Variants in SLC22A25 observed in about 807,000 individuals in gnomAD.
The protein encoded by SLC22A25 is solute carrier family 22 member 25, also known as MGI:2442751, MGI:2385316, MGI:3042283, MGI:3645714, MGI:3605624, MGI:2442750.
A neutral mutation model predicts 45.9 loss-of-function variants in SLC22A25; 44 were observed. The observed-to-expected ratio is 0.96, with a 90% CI of 0.75 to 1.23. SLC22A25 has a LOEUF of 1.23. Among genes scored for constraint, SLC22A25 ranks in the 50% most tolerant of loss-of-function variants. The pLI, the probability that SLC22A25 is intolerant of heterozygous loss-of-function variation, is 0.00. For synonymous variants in SLC22A25, 283 were observed against 238.6 expected (o/e 1.19, Z -1.72); for missense variants, 800 against 666.4 (o/e 1.20, Z -2.21).
chr11:63,228,368 A>G, intron 5 of SLC22A25, 93 bp downstream of exon 5: 1 of 985,542 alleles, frequency 1.0e-6, no homozygotes, highest in Non-Finnish European at 1.5e-6. Flanking sequence ...GAGCAACAGG[A>G]TAGTGTGATT....
chr11:63,194,884 G>A (rs1400206557), intron 7 of SLC22A25, among the ~76,000 whole-genome samples: 5 of 41,202 alleles, frequency 1.2e-4, no homozygotes, highest in Non-Finnish European at 2.4e-4. Context: ...CCAAGCAAAT[G>A]GAAAGCAAAA....
chr11:63,164,019 A>G lies in SLC22A25; in HGVS notation c.1449T>C (p.Ala483=), dbSNP rs753386028. The G allele has an allele frequency of 1.2e-6, 2 of 1,612,802 alleles. No homozygotes were observed. Among genetic ancestry groups the G allele is most frequent in the South Asian group, 2.2e-5 (2 of 90,784 alleles). Residue 483 remains alanine, a synonymous_variant, in exon 12 of 12, where the codon GCT becomes GCC. Transcript: ENST00000306494. ...ATATGCTTAGGATCATCATGAGGGA[A>G]GCCAGGGCTCCCCCAATATTAGCAA... ...GNFANIGGAL[A]SLMMILSIYS... is the part of the protein sequence containing the mutation.
intron 7 of SLC22A25, among the ~76,000 whole-genome samples, chr11:63,211,326 A>C (rs1422815439): frequency 1.3e-5 from 2 of 152,180 alleles, no homozygotes; most frequent in Non-Finnish European, 2.9e-5. Context: ...AGCAAGCCAA[A>C]AGGTGAATAC....
intron 7 of SLC22A25, among the ~76,000 whole-genome samples, chr11:63,186,676 A>G (rs1231095050): frequency 1.3e-5 from 2 of 152,284 alleles, no homozygotes; most frequent in South Asian, 4.1e-4. Flanking sequence ...TTATGCTTTT[A>G]GGTCTAACAT....
At chr11:63,236,659 C>T (rs2090169885) in intron 3 of SLC22A25, among the ~76,000 whole-genome samples, 1 of 152,028 alleles carries the variant, frequency 6.6e-6, no homozygotes. Context: ...CCTGCACCCA[C>T]TGTCCCGCAC....
rs1256520568 is a variant in SLC22A25 at position 63,232,213 on chromosome 11, A to T, written c.-444-2117T>A. On this transcript the variant is annotated intron_variant, in intron 3 of 11. Transcript: ENST00000306494. ...ATGGGGATGGCATTGAATCTATAAA[A>T]GACCTTGGGCAGTATGGCCATTTTC... 4.5e-4 allele frequency among the ~76,000 whole-genome samples: 68 copies of T among 152,228 alleles called. 3 individuals are homozygous for T. Among genetic ancestry groups the T allele is most frequent in the East Asian group, 2.3e-3 (12 of 5,178 alleles).
intron 9 of SLC22A25, among the ~76,000 whole-genome samples, chr11:63,177,112 T>A (rs2088116637): frequency 6.6e-6 from 1 of 152,120 alleles, no homozygotes; most frequent in African/African-American, 2.4e-5. Context: ...AACCAAAGTC[T>A]TATGGAGGTT....
intron 7 of SLC22A25, among the ~76,000 whole-genome samples, chr11:63,212,713 T>C (rs2089606167): frequency 6.6e-6 from 1 of 151,686 alleles, no homozygotes; most frequent in Non-Finnish European, 1.5e-5. Flanking sequence ...AATGATGAGT[T>C]AATGAGTGCA....
chr11:63,180,856 T>C (rs2088294938), intron 8 of SLC22A25, 81 bp from the exon 9 acceptor site: 1 of 930,690 alleles, frequency 1.1e-6, no homozygotes, highest in South Asian at 1.5e-5. Context: ...AACCAACAGA[T>C]GACAAGATAG....
intron 3 of SLC22A25, among the ~76,000 whole-genome samples, chr11:63,235,595 T>A (rs1392375298): frequency 2.0e-5 from 3 of 152,244 alleles, no homozygotes; most frequent in Non-Finnish European, 4.4e-5. Flanking sequence ...TTAAACTTCC[T>A]CCTTTAGCTC....
In SLC22A25 at chr11:63,196,495, C is replaced by G. The variant is rs149367287; in HGVS notation, c.831-12678G>C. 3.2e-4 allele frequency among the ~76,000 whole-genome samples: 49 copies of G among 152,086 alleles called. 3 individuals are homozygous for G. Among genetic ancestry groups the G allele is most frequent in the East Asian group, 2.3e-3 (12 of 5,182 alleles). On this transcript the variant is annotated intron_variant, in intron 7 of 11. Transcript: ENST00000306494. ...TAATCCAGCATATAAACAGAACTAACGACAAAAACCACATGATTATCTCAA... is the reference window on the plus strand; with the variant it reads ...TAATCCAGCATATAAACAGAACTAAGGACAAAAACCACATGATTATCTCAA...
rs1461732188 is a variant in SLC22A25 at position 63,229,712 on chromosome 11, A to G, written c.-60T>C. ...AATGACTGTATCCAGATAAGTTCAA[A>G]GAGAAAATATTTCCTTTCCTTAAAT... On this transcript the variant is annotated 5_prime_UTR_variant, in exon 4 of 12. Transcript: ENST00000306494. 1.3e-6 allele frequency: 2 copies of G among 1,515,074 alleles called. No individual in the cohort carries two copies. Among genetic ancestry groups the G allele is most frequent in the African/African-American group, 1.4e-5 (1 of 72,278 alleles). The allele number at this position is 1,515,074 out of a possible 1,614,324, so 93.9% of individuals were successfully genotyped here.
intron 9 of SLC22A25, among the ~76,000 whole-genome samples, chr11:63,173,856 T>C (rs1301601471): frequency 6.6e-6 from 1 of 152,016 alleles, no homozygotes; most frequent in Non-Finnish European, 1.5e-5. Flanking sequence ...TGCTTTCCAT[T>C]GGAAGAACTA....
intron 3 of SLC22A25, among the ~76,000 whole-genome samples, chr11:63,231,759 G>GT (rs1294895431): frequency 6.6e-6 from 1 of 152,138 alleles, no homozygotes; most frequent in Admixed American, 6.5e-5. Flanking sequence ...GGTTTTTATG[G>GT]TTTTAGGTCA....
chr11:63,180,678 C>T lies in SLC22A25; in HGVS notation c.1052G>A (p.Cys351Tyr). Residue 351 changes from cysteine to tyrosine, a missense_variant, in exon 9 of 12, where the codon TGT becomes TAT. By Grantham distance (194) the Cys-to-Tyr change is radical. Transcript: ENST00000306494. ...AACTTACCTCACAAAGGACAGGAAA[C>T]AGATTCTTTTACATATGTTGGGTAT... is the stretch of plus-strand genomic sequence containing the variant. Reference protein sequence around the residue: ...LRIPNICKRICFLSFVRFAST... With the variant: ...LRIPNICKRIYFLSFVRFAST... The T allele has an allele frequency of 6.2e-7, 1 of 1,612,216 alleles. No individual in the cohort carries two copies. Among genetic ancestry groups the T allele is most frequent in the Non-Finnish European group, 8.5e-7 (1 of 1,179,102 alleles).
At chr11:63,196,862 A>G (rs909108089) in intron 7 of SLC22A25, among the ~76,000 whole-genome samples, 22 of 152,222 alleles carry the variant, frequency 1.4e-4, no homozygotes, top group Admixed American at 4.6e-4. Flanking sequence ...AAACCCCATC[A>G]TCTCAGCCCA....
intron 5 of SLC22A25, among the ~76,000 whole-genome samples, chr11:63,219,047 GC>G (rs1214828534): frequency 6.6e-6 from 1 of 152,162 alleles, no homozygotes; most frequent in Non-Finnish European, 1.5e-5. Flanking sequence ...AAGGATGTAA[GC>G]TTAATATAGA....
chr11:63,185,971 C>A (rs1020852994), intron 7 of SLC22A25, among the ~76,000 whole-genome samples: 6 of 151,714 alleles, frequency 4.0e-5, no homozygotes, highest in African/African-American at 1.5e-4. Context: ...GGTTCCAAGT[C>A]TTTGCTATCG....
At chr11:63,231,379 A>G (rs2090065290) in intron 3 of SLC22A25, among the ~76,000 whole-genome samples, 5 of 152,082 alleles carry the variant, frequency 3.3e-5, no homozygotes, top group Admixed American at 3.3e-4. Context: ...TGTGGGTTTG[A>G]TTTGCATTTC....
Sources: allele counts gnomAD v4.1 joint callset (sites outside exome capture counted in the v4.1 genomes callset), GRCh38; gene constraint gnomAD v4.1.1; transcripts MANE v1.5; gene names NCBI Gene and HGNC (gene_info 2026-07-23, HGNC 2026-07-21).